The following DDX60 variants were observed in gnomAD, a reference collection of about 807,000 sequenced individuals.
The protein encoded by DDX60 is probable ATP-dependent RNA helicase DDX60.
A neutral mutation model predicts 212.8 loss-of-function variants in DDX60; 165 were observed. That is an observed-to-expected ratio of 0.78 (90% CI 0.68 to 0.88). The LOEUF is 0.88. Among genes scored for constraint, DDX60 ranks in the 40% least tolerant of loss-of-function variants. The probability of loss-of-function intolerance (pLI) is 0.00; values close to 1 mark genes in which losing one functional copy is unlikely to be tolerated. For missense variants in DDX60, 1,905 were observed against 2,003.9 expected, an observed-to-expected ratio of 0.95 and a Z score of 0.94; for synonymous variants, 703 against 685.3, an observed-to-expected ratio of 1.03 and a Z score of -0.40.
intron 30 of DDX60, among the ~76,000 whole-genome samples, chr4:168,242,490 T>G (rs1445239732): frequency 6.6e-6 from 1 of 152,212 alleles, no homozygotes; most frequent in Non-Finnish European, 1.5e-5. Context: ...CAGTGTGACC[T>G]GGATGTGAGA....
intron 3 of DDX60, among the ~76,000 whole-genome samples, chr4:168,309,671 T>C (rs1279832265): frequency 2.0e-5 from 3 of 152,198 alleles, no homozygotes; most frequent in East Asian, 3.9e-4. Flanking sequence ...CAGCACAATA[T>C]GGTTTGATAA....
chr4:168,265,885 G>A (rs1169969981), intron 22 of DDX60, among the ~76,000 whole-genome samples: 1 of 128,672 alleles, frequency 7.8e-6, no homozygotes, highest in African/African-American at 3.3e-5. Flanking sequence ...GGGAAGGGAA[G>A]GGAAGGGAAG....
chr4:168,264,091 G>GA (rs1560837486), intron 22 of DDX60, among the ~76,000 whole-genome samples: 1 of 152,104 alleles, frequency 6.6e-6, no homozygotes. Flanking sequence ...CAACACAGTT[G>GA]AAAAAAACTG....
Position 168,246,448 on chromosome 4 carries a change from C to G in DDX60, c.4134G>C (p.Lys1378Asn). ...CCTTGGCATCCTCTGGGTCATCTCC[C>G]TTGGAAGCCAGCAGCATGAGTCGCA... ...LVLRLMLLASKGDDPEDAKAK... is the reference protein window; with the variant it reads ...LVLRLMLLASNGDDPEDAKAK... Residue 1378 changes from lysine to asparagine, a missense_variant, in exon 30 of 38, where the codon AAG (lysine) becomes AAC (asparagine). Transcript: ENST00000393743. 6.2e-7 allele frequency: 1 copy of G among 1,614,012 alleles called. No homozygotes were observed. The highest frequency in any genetic ancestry group is 8.5e-7 in the Non-Finnish European group (1 of 1,179,968).
chr4:168,258,209 T>G (rs1460898878), intron 25 of DDX60, among the ~76,000 whole-genome samples: 2 of 152,232 alleles, frequency 1.3e-5, no homozygotes, highest in Non-Finnish European at 2.9e-5. Flanking sequence ...CTGTACTAAG[T>G]GCTTTCATAA....
At chr4:168,286,275 A>T (rs1182811006) in intron 10 of DDX60, among the ~76,000 whole-genome samples, 2 of 151,972 alleles carry the variant, frequency 1.3e-5, no homozygotes, top group South Asian at 4.2e-4. Context: ...ATATACATAC[A>T]CATATACAAA....
intron 37 of DDX60, 91 bp from the exon 38 acceptor site, chr4:168,217,123 C>A: frequency 1.3e-6 from 1 of 744,112 alleles, no homozygotes; most frequent in Non-Finnish European, 2.2e-6. Flanking sequence ...GTAAGGAAAT[C>A]CCATCAGATG....
intron 30 of DDX60, among the ~76,000 whole-genome samples, chr4:168,243,543 C>G (rs1578990886): frequency 6.6e-6 from 1 of 152,096 alleles, no homozygotes; most frequent in Admixed American, 6.6e-5. Flanking sequence ...CAAATCAAAA[C>G]CACAATGAGA....
intron 27 of DDX60, 134 bp from the exon 28 acceptor site, chr4:168,251,240 T>A (rs1216817839): frequency 1.3e-6 from 1 of 778,796 alleles, no homozygotes; most frequent in African/African-American, 1.8e-5. Context: ...TCTACATGAA[T>A]ACAAAGAACA....
Position 168,261,000 on chromosome 4 carries a change from G to A in DDX60, c.3274-11C>T. On this transcript the variant is annotated splice_polypyrimidine_tract_variant and intron_variant, in intron 24 of 37. Coordinates refer to ENST00000393743, the MANE Select transcript of DDX60 (RefSeq NM_017631.6). ...AAGTACCATTCTGGCCTGTAGTGGT[G>A]AATACAAAACAATTTTAAGTTCTGC... is the stretch of plus-strand genomic sequence containing the variant. 6.3e-7 allele frequency: 1 copy of A among 1,590,936 alleles called. No homozygotes were observed. The highest frequency in any genetic ancestry group is 8.5e-7 in the Non-Finnish European group (1 of 1,173,900).
chr4:168,255,764 G>A lies in DDX60; in HGVS notation c.3504C>T (p.Val1168=). ...TAACTTTTCGAAGTTTGTTAGCCAT[G>A]ACATGGGCTTCTTTATCAGCTTTGG... ...RPPKADKEAH[V]MANKLRKVKK... is the part of the protein sequence containing the mutation. Residue 1168 remains valine (V), a synonymous_variant, in exon 26 of 38, where the codon GTC becomes GTT. Transcript: ENST00000393743. 6.2e-7 allele frequency: 1 copy of A among 1,602,890 alleles called. No individual in the cohort carries two copies. The highest frequency in any genetic ancestry group is 1.1e-5 in the South Asian group (1 of 88,020).
rs528696773 is a variant in DDX60 at position 168,268,430 on chromosome 4, T to A, written c.2786+424A>T. ...AGTAGTAGGCAAAAATCAAGCCCAA[T>A]GACAAGATAAAATGGGGTTTTCATC... On this transcript the variant is annotated intron_variant, in intron 20 of 37. Coordinates refer to ENST00000393743, the MANE Select transcript of DDX60 (RefSeq NM_017631.6). 2.2e-4 allele frequency among the ~76,000 whole-genome samples: 34 copies of A among 152,224 alleles called. 2 individuals carry two copies. The South Asian group carries it at 5.2e-3, about 23-fold the overall frequency.
chr4:168,242,007 C>T (rs953572510), intron 30 of DDX60, among the ~76,000 whole-genome samples: 2 of 152,180 alleles, frequency 1.3e-5, no homozygotes, highest in Non-Finnish European at 2.9e-5. Flanking sequence ...CCCGCTATGA[C>T]TAAAAGGGGA....
In DDX60 at chr4:168,224,358, G is replaced by A; in HGVS notation, c.4709C>T (p.Ser1570Phe). ...GCTCATCAAATGAGATACGAGTTGA[G>A]AGTCTTCACATTCTTTACCTGTGAA... ...IKFTGKECED[S>F]QLVSHLMSCK... The change falls in exon 35 of 38, where the codon TCT becomes TTT. Residue 1570 changes from serine (S) to phenylalanine (F), a missense_variant. Coordinates refer to ENST00000393743, the MANE Select transcript of DDX60 (RefSeq NM_017631.6). The A allele has an allele frequency of 1.2e-6, 2 of 1,611,916 alleles. No individual in the cohort carries two copies. Among genetic ancestry groups the A allele is most frequent in the Middle Eastern group, 3.3e-4 (2 of 6,046 alleles).
intron 35 of DDX60, among the ~76,000 whole-genome samples, chr4:168,223,727 T>C (rs1376662637): frequency 6.6e-6 from 1 of 152,084 alleles, no homozygotes; most frequent in Non-Finnish European, 1.5e-5. Flanking sequence ...AAAATAGAGT[T>C]GAGACACCAA....
In DDX60 at chr4:168,274,082, C is replaced by T. The variant is rs1308760097; in HGVS notation, c.2306G>A (p.Arg769Gln). ...VQDFIPDTWQ[R>Q]ELLDVVDKNE... ...CTTATCCACAACATCAAGGAGCTCT[C>T]GCTGCAGGGTGCAGAGTACCATTCA... The change falls in exon 17 of 38, where the codon CGA becomes CAA. Residue 769 changes from arginine (R) to glutamine (Q), a missense_variant and splice_region_variant. Physicochemically the swap from Arg to Gln is conservative, Grantham distance 43. Transcript: ENST00000393743. 6 of 1,614,002 alleles carry T rather than the reference C, an allele frequency of 3.7e-6. No homozygotes were observed. The highest frequency in any genetic ancestry group is 5.1e-6 in the Non-Finnish European group (6 of 1,179,990).
At chr4:168,297,383 A>AAG (rs1736445078) in intron 6 of DDX60, among the ~76,000 whole-genome samples, 1 of 41,836 alleles carries the variant, frequency 2.4e-5, no homozygotes, top group African/African-American at 2.8e-4. Flanking sequence ...AGAAAGAAAG[A>AAG]GAAAGAAAGA....
intron 31 of DDX60, 77 bp from the exon 32 acceptor site, chr4:168,237,504 A>G: frequency 7.4e-7 from 1 of 1,359,306 alleles, no homozygotes; most frequent in Non-Finnish European, 9.9e-7. Flanking sequence ...CCAGTTTAAA[A>G]TAGTATTTAA....
intron 5 of DDX60, among the ~76,000 whole-genome samples, chr4:168,303,483 GT>G: frequency 6.6e-6 from 1 of 152,124 alleles, no homozygotes; most frequent in East Asian, 1.9e-4. Flanking sequence ...ATTGAAAATA[GT>G]TTAATAATAG....
Sources: gnomAD v4.1 joint callset for allele counts (sites outside exome capture counted in the v4.1 genomes callset) on GRCh38, gnomAD v4.1.1 for gene constraint, MANE v1.5 for transcripts, NCBI Gene and HGNC (gene_info 2026-07-23, HGNC 2026-07-21) for gene names.